The following KCNT1 variants were observed in gnomAD, a reference collection of about 807,000 sequenced individuals.
The protein encoded by KCNT1 is potassium channel subfamily T member 1.
In KCNT1, 78 loss-of-function variants were observed where a neutral mutation model predicts 147.8. The observed-to-expected ratio is 0.53, with a 90% CI of 0.44 to 0.64. The LOEUF (loss-of-function observed/expected upper bound fraction) is 0.64, where lower values mean the gene tolerates loss of function less well. Ranked by LOEUF, KCNT1 falls within the 30% of genes least tolerant of loss-of-function variation. The probability of loss-of-function intolerance (pLI) is 0.00; values close to 1 mark genes in which losing one functional copy is unlikely to be tolerated. For missense variants in KCNT1, 1,419 were observed against 1,750.3 expected (o/e 0.81, Z 3.38); for synonymous variants, 867 against 748.8 (o/e 1.16, Z -2.58).
chr9:135,770,427 G>C lies in KCNT1; in HGVS notation c.1749G>C (p.Ala583=), dbSNP rs17038714. The C allele has an allele frequency of 7.4e-6, 12 of 1,612,348 alleles. No individual in the cohort carries two copies. The highest frequency in any genetic ancestry group is 1.0e-5 in the Non-Finnish European group (12 of 1,179,372). ...ACGAGGGCAAGAGCTTCACCTACGCGGCCTTCCACGCCCACAAGAAGTAAG... is the reference window on the plus strand; with the variant it reads ...ACGAGGGCAAGAGCTTCACCTACGCCGCCTTCCACGCCCACAAGAAGTAAG... The part of the protein sequence containing the change: ...REYEGKSFTY[A]AFHAHKKYGV... Residue 583 remains alanine, a synonymous_variant, in exon 17 of 31, where the codon GCG becomes GCC. Transcript: ENST00000371757.
At chr9:135,774,952 C>T (rs979297935) in intron 19 of KCNT1, among the ~76,000 whole-genome samples, 9 of 152,166 alleles carry the variant, frequency 5.9e-5, no homozygotes, top group African/African-American at 2.2e-4. Context: ...CATGCCTCCC[C>T]AGCCCTGGCC....
At chr9:135,722,506 C>T (rs1835964564) in intron 2 of KCNT1, among the ~76,000 whole-genome samples, 1 of 152,254 alleles carries the variant, frequency 6.6e-6, no homozygotes, top group Non-Finnish European at 1.5e-5. Flanking sequence ...TGTTCCGTTT[C>T]CATCATCCGG....
intron 19 of KCNT1, among the ~76,000 whole-genome samples, chr9:135,773,235 G>A (rs763948678): frequency 2.6e-5 from 4 of 152,144 alleles, no homozygotes; most frequent in Non-Finnish European, 5.9e-5. Flanking sequence ...TAATTGGAGC[G>A]AGGCAGCTCA....
Position 135,784,446 on chromosome 9 carries a change from C to G in KCNT1, c.2944-89C>G, listed in dbSNP as rs1036389880. The G allele has an allele frequency of 7.3e-5, 71 of 976,558 alleles. No individual in the cohort carries two copies. In the African/African-American group the frequency reaches 1.1e-3, roughly 16 times the overall value. 60.5% of individuals were successfully genotyped at this position (976,558 alleles called of 1,614,324 possible). Reference sequence around the variant, plus strand: ...AGCCCGTGGCCGGTGGGGTATGGACCTGTGTCCCACGCCCGTGCCCGCGTG... The same window carrying G: ...AGCCCGTGGCCGGTGGGGTATGGACGTGTGTCCCACGCCCGTGCCCGCGTG... On this transcript the variant is annotated intron_variant, in intron 25 of 30. Transcript: ENST00000371757.
intron 1 of KCNT1, among the ~76,000 whole-genome samples, chr9:135,703,350 G>T (rs1019967906): frequency 3.3e-5 from 5 of 152,232 alleles, no homozygotes; most frequent in African/African-American, 1.2e-4. Context: ...CTGCCTGTTT[G>T]TTCTATGGGA....
Position 135,716,234 on chromosome 9 carries a change from A to G in KCNT1, c.254+1514A>G, listed in dbSNP as rs149264966. Reference sequence around the variant, plus strand: ...CTGGGAGATCCTTCCGATATTGGGCAGGAAGTGGTGTCCATCCGCCTAATG... The same window carrying G: ...CTGGGAGATCCTTCCGATATTGGGCGGGAAGTGGTGTCCATCCGCCTAATG... On this transcript the variant is annotated intron_variant, in intron 2 of 30. Transcript: ENST00000371757. Among the ~76,000 whole-genome samples, 657 of 152,340 alleles carry G rather than the reference A, an allele frequency of 4.3e-3. 3 individuals carry two copies. The highest frequency in any genetic ancestry group is 0.014 in the African/African-American group (562 of 41,580).
rs181530021 is a variant in KCNT1 at position 135,738,818 on chromosome 9, C to G, written c.255-11280C>G. Reference sequence around the variant, plus strand: ...CTCCCCTGACCCTGAGCTCCGGGGTCTCCTCCTTCCTTCTCACTCCCCTGT... The same window carrying G: ...CTCCCCTGACCCTGAGCTCCGGGGTGTCCTCCTTCCTTCTCACTCCCCTGT... On this transcript the variant is annotated intron_variant, in intron 2 of 30. Coordinates refer to ENST00000371757, the MANE Select transcript of KCNT1 (RefSeq NM_020822.3). Among the ~76,000 whole-genome samples the G allele has an allele frequency of 5.7e-4, 87 of 152,264 alleles. 1 individual carries two copies. The highest frequency in any genetic ancestry group is 1.5e-3 in the African/African-American group (62 of 41,560).
chr9:135,777,312 G>A, intron 20 of KCNT1, 26 bp from the exon 21 acceptor site: 1 of 1,606,074 alleles, frequency 6.2e-7, no homozygotes. Context: ...CCTGACTCCA[G>A]CCCTGACTCC....
intron 28 of KCNT1, 79 bp downstream of exon 28, chr9:135,785,409 C>CCCCACACA: frequency 7.0e-7 from 1 of 1,437,336 alleles, no homozygotes; most frequent in Non-Finnish European, 9.3e-7. Context: ...GCCTGCCAGG[C>CCCCACACA]CCCACCCACC....
chr9:135,759,248 G>A lies in KCNT1; in HGVS notation c.855-431G>A, dbSNP rs567487482. ...GCCGGGCAGAGGCCTGAGTGTGGTG[G>A]GTAAAGGGGCAAGGCTCTGAGATGG... On this transcript the variant is annotated intron_variant, in intron 10 of 30. Transcript: ENST00000371757. Among the ~76,000 whole-genome samples, 24 of 152,298 alleles carry A rather than the reference G, an allele frequency of 1.6e-4. No homozygotes were observed. In the South Asian group the frequency reaches 4.8e-3, roughly 30 times the overall value.
chr9:135,760,244 C>T (rs1004807788), intron 11 of KCNT1, among the ~76,000 whole-genome samples: 19 of 152,318 alleles, frequency 1.2e-4, no homozygotes, highest in African/African-American at 4.1e-4. Context: ...GGGGCACACC[C>T]CCCCGGCCAC....
intron 2 of KCNT1, among the ~76,000 whole-genome samples, chr9:135,748,807 G>A (rs1305038921): frequency 6.6e-6 from 1 of 152,218 alleles, no homozygotes; most frequent in African/African-American, 2.4e-5. Context: ...ACTGGACTGC[G>A]TGTTCTGCCC....
intron 11 of KCNT1, among the ~76,000 whole-genome samples, chr9:135,763,939 C>G (rs1832083874): frequency 6.6e-6 from 1 of 152,078 alleles, no homozygotes; most frequent in Admixed American, 6.6e-5. Flanking sequence ...CAGCAGAGCC[C>G]CCGCCAGCAC....
At position 135,770,049 on chromosome 9, in the gene KCNT1, G is replaced by A. The variant is rs748178951; in HGVS notation, c.1613G>A (p.Arg538His). ...ATCACCCTGCTGGTGCACACGTCCC[G>A]CGGCCAGTGAGTGCCCCGTGCCCCG... ...TLITLLVHTS[R>H]GQEGQESPEQ... The change falls in exon 16 of 31, where the codon CGC (arginine) becomes CAC (histidine). Residue 538 changes from arginine (R) to histidine (H), a missense_variant. This residue lies in a region of KCNT1 where 401 missense variants were observed against 610.6 expected (regional missense o/e 0.66). Transcript: ENST00000371757. 11 of 1,550,050 alleles carry A rather than the reference G, an allele frequency of 7.1e-6. No homozygotes were observed. The highest frequency in any genetic ancestry group is 3.6e-5 in the South Asian group (3 of 84,070).
At chr9:135,791,927 G>C (rs758116544) in intron 30 of KCNT1, 46 bp downstream of exon 30, 1 of 1,610,710 alleles carries the variant, frequency 6.2e-7, no homozygotes, top group South Asian at 1.1e-5. Context: ...CTGAGCACCA[G>C]GTGGGCACTG....
In KCNT1 at chr9:135,793,094, C is replaced by G. The variant is rs1028938727; in HGVS notation, c.*933C>G. On this transcript the variant is annotated 3_prime_UTR_variant, in exon 31 of 31. Coordinates refer to ENST00000371757, the MANE Select transcript of KCNT1 (RefSeq NM_020822.3). ...GCTGCTGGTTCCTTACTGGTTTGTACGGTCAGCGCTGGAAACTTCTATTAA... is the reference window on the plus strand; with the variant it reads ...GCTGCTGGTTCCTTACTGGTTTGTAGGGTCAGCGCTGGAAACTTCTATTAA... 1 of 152,292 alleles carries G rather than the reference C, an allele frequency of 6.6e-6. No homozygotes were observed. The highest frequency in any genetic ancestry group is 1.5e-5 in the Non-Finnish European group (1 of 68,036). The allele number at this position is 152,292 out of a possible 1,614,324, so 9.4% of individuals were successfully genotyped here. A position where few individuals can be genotyped will look rare whatever the true frequency, so the allele number is the denominator to read the frequency against.
At chr9:135,731,902 G>A (rs554319425) in intron 2 of KCNT1, among the ~76,000 whole-genome samples, 3 of 147,618 alleles carry the variant, frequency 2.0e-5, no homozygotes, top group South Asian at 4.4e-4. Context: ...CTGGGACTCC[G>A]TGCACAGTTC....
chr9:135,731,776 C>A (rs547716720), intron 2 of KCNT1, among the ~76,000 whole-genome samples: 24 of 151,566 alleles, frequency 1.6e-4, no homozygotes, highest in African/African-American at 5.8e-4. Context: ...CACTTCACCC[C>A]CTTCGTAGTG....
At chr9:135,746,627 C>G (rs112505824) in intron 2 of KCNT1, among the ~76,000 whole-genome samples, 296 of 152,308 alleles carry the variant, frequency 1.9e-3, no homozygotes, top group African/African-American at 6.8e-3. Flanking sequence ...GCCCAAGGCC[C>G]AGAGGTCCAG....
Sources: allele counts gnomAD v4.1 joint callset (sites outside exome capture counted in the v4.1 genomes callset), GRCh38; gene constraint gnomAD v4.1.1; regional missense constraint gnomAD v4.1.1; transcripts MANE v1.5; gene names NCBI Gene and HGNC (gene_info 2026-07-23, HGNC 2026-07-21).